The following C7orf33 variants were observed in gnomAD, a reference collection of about 807,000 sequenced individuals.
C7orf33 encodes uncharacterized protein C7orf33.
Under a neutral mutation model 13.4 loss-of-function variants are expected in C7orf33, and 15 were observed. That is an observed-to-expected ratio of 1.12 (90% CI 0.75 to 1.72). C7orf33 has a LOEUF of 1.72. Among genes scored for constraint, C7orf33 ranks in the 40% most tolerant of loss-of-function variants. The pLI is 0.00. For synonymous variants in C7orf33, 73 were observed against 83.2 expected, an observed-to-expected ratio of 0.88 and a Z score of 0.67; for missense variants, 187 against 220.3, an observed-to-expected ratio of 0.85 and a Z score of 0.96.
chr7:148,610,767 C>A (rs947938924), intron 1 of C7orf33, among the ~76,000 whole-genome samples: 1 of 152,066 alleles, frequency 6.6e-6, no homozygotes, highest in Non-Finnish European at 1.5e-5. Flanking sequence ...AAAGGGACAG[C>A]AATGGGGCAG....
intron 1 of C7orf33, among the ~76,000 whole-genome samples, chr7:148,601,499 C>T (rs956395024): frequency 6.6e-6 from 1 of 152,122 alleles, no homozygotes; most frequent in African/African-American, 2.4e-5. Flanking sequence ...GCATGTACCA[C>T]CACACCTGTC....
At chr7:148,612,473 G>C (rs1796555093) in intron 1 of C7orf33, among the ~76,000 whole-genome samples, 1 of 152,174 alleles carries the variant, frequency 6.6e-6, no homozygotes, top group Non-Finnish European at 1.5e-5. Context: ...GCAACCTGCA[G>C]AATGGGAGAA....
At position 148,592,324 on chromosome 7, in the gene C7orf33, AAAG is replaced by A. The variant is rs1184386978; in HGVS notation, c.204+1201_204+1203del. Among the ~76,000 whole-genome samples the A allele has an allele frequency of 3.9e-5, 6 of 152,322 alleles. No individual in the cohort carries two copies. The East Asian group carries it at 1.2e-3, about 29-fold the overall frequency. ...AGCCCATTTAGCATAAGAAGAGTAA[AAAG>A]AAGAAAATACCTCCTCAGCCAGGGG... On this transcript the variant is annotated intron_variant, in intron 1 of 2. Transcript: ENST00000307003.
In C7orf33 at chr7:148,612,739, G is replaced by A. The variant is rs74419636; in HGVS notation, c.205-1303G>A. ...TAACTAAAAAGGCAAGTAATAACAC[G>A]TGCTGGCTGGTGAGGATGTGGAGAA... On this transcript the variant is annotated intron_variant, in intron 1 of 2. Coordinates refer to ENST00000307003, the MANE Select transcript of C7orf33 (RefSeq NM_145304.4). Among the ~76,000 whole-genome samples, 16 of 152,004 alleles carry A rather than the reference G, an allele frequency of 1.1e-4. No individual in the cohort carries two copies. In the South Asian group the frequency reaches 2.3e-3, roughly 22 times the overall value.
At chr7:148,604,493 C>A (rs113127100) in intron 1 of C7orf33, among the ~76,000 whole-genome samples, 1 of 152,132 alleles carries the variant, frequency 6.6e-6, no homozygotes, top group Admixed American at 6.5e-5. Flanking sequence ...TTCTCACTTA[C>A]AAGTGGGAGC....
intron 1 of C7orf33, among the ~76,000 whole-genome samples, chr7:148,613,367 C>T (rs77985713): frequency 0.038 from 5,764 of 152,288 alleles, 192 homozygotes; most frequent in Admixed American, 0.095. Context: ...ACACAAATAA[C>T]GTGCATAGCA....
intron 1 of C7orf33, among the ~76,000 whole-genome samples, chr7:148,600,536 A>T (rs2116893512): frequency 6.6e-6 from 1 of 152,340 alleles, no homozygotes; most frequent in East Asian, 1.9e-4. Flanking sequence ...TCTTGCCAGG[A>T]TATAAGGGCA....
intron 1 of C7orf33, among the ~76,000 whole-genome samples, chr7:148,608,721 G>C (rs1238363449): frequency 5.9e-5 from 9 of 152,022 alleles, no homozygotes. Flanking sequence ...GAGGCTGAGG[G>C]CAGGAGAATC....
intron 1 of C7orf33, among the ~76,000 whole-genome samples, chr7:148,597,431 G>T (rs1321320703): frequency 6.6e-6 from 1 of 151,952 alleles, no homozygotes; most frequent in Non-Finnish European, 1.5e-5. Context: ...ACAGGCACCT[G>T]CTACCATGCC....
At chr7:148,597,146 G>T (rs1038679275) in intron 1 of C7orf33, among the ~76,000 whole-genome samples, 4 of 151,042 alleles carry the variant, frequency 2.6e-5, no homozygotes, top group Admixed American at 2.6e-4. Context: ...ATTTTGTGAG[G>T]ACCTAAGTTT....
chr7:148,614,025 T>A lies in C7orf33; in HGVS notation c.205-17T>A. 1 of 1,609,748 alleles carries A rather than the reference T, an allele frequency of 6.2e-7. No individual in the cohort carries two copies. Among genetic ancestry groups the A allele is most frequent in the Non-Finnish European group, 8.5e-7 (1 of 1,177,170 alleles). On this transcript the variant is annotated splice_polypyrimidine_tract_variant and intron_variant, in intron 1 of 2. Transcript: ENST00000307003. ...CCACCCTTTAACCCAATTTGTTTGT[T>A]TGTTTGTTTTTTCCAGAAGCCAAAC...
rs533281392 is a variant in C7orf33 at position 148,605,077 on chromosome 7, C to A, written c.205-8965C>A. 2.0e-5 allele frequency among the ~76,000 whole-genome samples: 3 copies of A among 152,132 alleles called. No individual in the cohort carries two copies. The East Asian group carries it at 5.8e-4, about 29-fold the overall frequency. Reference sequence around the variant, plus strand: ...TGAAACCCCATTTCTACTAGAAATACAAAAATTAGTCAGGCATGGTGGCAC... The same window carrying A: ...TGAAACCCCATTTCTACTAGAAATAAAAAAATTAGTCAGGCATGGTGGCAC... On this transcript the variant is annotated intron_variant, in intron 1 of 2. Transcript: ENST00000307003.
intron 1 of C7orf33, among the ~76,000 whole-genome samples, chr7:148,612,180 T>C (rs908396746): frequency 2.0e-5 from 3 of 152,222 alleles, no homozygotes; most frequent in Non-Finnish European, 4.4e-5. Flanking sequence ...GAGATCTTTG[T>C]AGTCAACTGA....
chr7:148,591,916 C>T (rs1476242700), intron 1 of C7orf33, among the ~76,000 whole-genome samples: 1 of 152,192 alleles, frequency 6.6e-6, no homozygotes, highest in East Asian at 1.9e-4. Flanking sequence ...CCTCCTGATC[C>T]CCAAGCCCCT....
intron 1 of C7orf33, among the ~76,000 whole-genome samples, chr7:148,608,748 C>A (rs145002838): frequency 6.6e-6 from 1 of 152,052 alleles, no homozygotes; most frequent in Non-Finnish European, 1.5e-5. Context: ...ACCTGGGAGG[C>A]GGAGGTTGCA....
chr7:148,598,034 A>T (rs7790572), intron 1 of C7orf33, among the ~76,000 whole-genome samples: 2 of 152,186 alleles, frequency 1.3e-5, no homozygotes, highest in Non-Finnish European at 2.9e-5. Flanking sequence ...GGATTACAGG[A>T]GTGAGCCACG....
chr7:148,594,149 A>G (rs1796301004), intron 1 of C7orf33, among the ~76,000 whole-genome samples: 1 of 150,206 alleles, frequency 6.7e-6, no homozygotes, highest in South Asian at 2.1e-4. Context: ...CTGCAGAACC[A>G]TGAGCCAATT....
In C7orf33 at chr7:148,598,739, T is replaced by G. The variant is rs1450492363; in HGVS notation, c.204+7610T>G. Among the ~76,000 whole-genome samples the G allele has an allele frequency of 4.9e-5, 3 of 61,468 alleles. No homozygotes were observed. The Admixed American group carries it at 5.8e-4, about 12-fold the overall frequency. The allele number at this position is 61,468 out of a possible 152,430, so 40.3% of individuals were successfully genotyped here. A position where few individuals can be genotyped will look rare whatever the true frequency, so the allele number is the denominator to read the frequency against. On this transcript the variant is annotated intron_variant, in intron 1 of 2. Transcript: ENST00000307003. ...TTTCATTCCTGGATATATATATATATATATATATATATATATATATATATA... is the reference window on the plus strand; with the variant it reads ...TTTCATTCCTGGATATATATATATAGATATATATATATATATATATATATA...
chr7:148,597,744 G>GTTT (rs1796357021), intron 1 of C7orf33, among the ~76,000 whole-genome samples: 1 of 147,296 alleles, frequency 6.8e-6, no homozygotes, highest in Admixed American at 6.7e-5. Context: ...GTTTTGTTTT[G>GTTT]TTTTGTTTTG....
Sources: allele counts gnomAD v4.1 joint callset (sites outside exome capture counted in the v4.1 genomes callset), GRCh38; gene constraint gnomAD v4.1.1; transcripts MANE v1.5; gene names NCBI Gene and HGNC (gene_info 2026-07-23, HGNC 2026-07-21).